RBPMS: variants seen among roughly 807,000 people sequenced by gnomAD.
The protein encoded by RBPMS is RNA binding protein, mRNA processing factor, also known as RNA-binding protein with multiple splicing.
In RBPMS, 7 loss-of-function variants were observed where a neutral mutation model predicts 26.8. The ratio of observed to expected loss-of-function variants is 0.26; its 90% CI spans 0.15 to 0.49. The LOEUF is 0.49. Among genes scored for constraint, RBPMS ranks in the 20% least tolerant of loss-of-function variants. The probability of loss-of-function intolerance (pLI) is 0.98; values close to 1 mark genes in which losing one functional copy is unlikely to be tolerated. For missense variants in RBPMS, 186 were observed against 250.0 expected (o/e 0.74, Z 1.73); for synonymous variants, 96 against 93.3 (o/e 1.03, Z -0.17).
chr8:30,456,925 A>G (rs927328075), intron 1 of RBPMS, among the ~76,000 whole-genome samples: 4 of 152,238 alleles, frequency 2.6e-5, no homozygotes, highest in African/African-American at 9.6e-5. Context: ...CATCTCACAC[A>G]CACAAAGAAA....
At chr8:30,395,114 C>CT (rs1264074247) in intron 1 of RBPMS, among the ~76,000 whole-genome samples, 1 of 2,164 alleles carries the variant, frequency 4.6e-4, no homozygotes, top group African/African-American at 3.4e-3. Context: ...CACAAATTTT[C>CT]TTTTCAATCT....
intron 5 of RBPMS, among the ~76,000 whole-genome samples, chr8:30,531,352 T>TC (rs34237487): frequency 0.51 from 78,229 of 151,912 alleles, 20,267 homozygotes; most frequent in South Asian, 0.64. Flanking sequence ...CAACCAGCCT[T>TC]CTGCTGACCC....
chr8:30,549,646 C>A, intron 6 of RBPMS: 1 of 1,298,338 alleles, frequency 7.7e-7, no homozygotes, highest in South Asian at 1.2e-5. Context: ...ACGGGGAGGC[C>A]AGGCCTCATG....
intron 4 of RBPMS, among the ~76,000 whole-genome samples, chr8:30,493,475 T>G (rs1276073293): frequency 6.6e-6 from 1 of 152,120 alleles, no homozygotes; most frequent in Non-Finnish European, 1.5e-5. Flanking sequence ...TTAAGGATTC[T>G]AAGGGATGTT....
intron 5 of RBPMS, among the ~76,000 whole-genome samples, chr8:30,528,954 G>A (rs1823901891): frequency 1.3e-5 from 2 of 151,964 alleles, no homozygotes; most frequent in Non-Finnish European, 2.9e-5. Flanking sequence ...AGTGGCTCAT[G>A]CCTGTAATCC....
At chr8:30,416,767 C>A (rs549983928) in intron 1 of RBPMS, among the ~76,000 whole-genome samples, 1 of 151,264 alleles carries the variant, frequency 6.6e-6, no homozygotes, top group African/African-American at 2.4e-5. Flanking sequence ...GCCACTGCAC[C>A]CTGCCTTTTT....
At chr8:30,432,055 G>T (rs577904647) in intron 1 of RBPMS, among the ~76,000 whole-genome samples, 1 of 152,196 alleles carries the variant, frequency 6.6e-6, no homozygotes, top group Admixed American at 6.5e-5. Flanking sequence ...TTGAGCCCGA[G>T]ATCAAGGCTG....
intron 1 of RBPMS, among the ~76,000 whole-genome samples, chr8:30,449,743 C>G (rs565397710): frequency 6.6e-6 from 1 of 152,314 alleles, no homozygotes; most frequent in South Asian, 2.1e-4. Context: ...AACTTGGCCT[C>G]AGGGTGATTC....
chr8:30,562,607 T>A (rs190582329), intron 7 of RBPMS, among the ~76,000 whole-genome samples: 2 of 152,300 alleles, frequency 1.3e-5, no homozygotes, highest in Admixed American at 1.3e-4. Context: ...CTGTGTAATC[T>A]TAGGCAAATG....
intron 4 of RBPMS, among the ~76,000 whole-genome samples, chr8:30,494,261 T>G (rs957561968): frequency 1.4e-4 from 22 of 152,208 alleles, no homozygotes; most frequent in Non-Finnish European, 2.6e-4. Context: ...ATTGGGGCAG[T>G]CTCAGAGCAG....
chr8:30,434,079 T>G (rs926757856), intron 1 of RBPMS, among the ~76,000 whole-genome samples: 2 of 151,316 alleles, frequency 1.3e-5, no homozygotes, highest in Admixed American at 6.6e-5. Context: ...TTTACACCAC[T>G]GCACTCCAGC....
chr8:30,467,181 G>A (rs1433919875), intron 1 of RBPMS, among the ~76,000 whole-genome samples: 2 of 152,208 alleles, frequency 1.3e-5, no homozygotes, highest in African/African-American at 4.8e-5. Context: ...TTTCATGGTG[G>A]CAAGGCCTGA....
intron 8 of RBPMS, among the ~76,000 whole-genome samples, chr8:30,570,330 G>A (rs60450778): frequency 1.3e-5 from 2 of 152,236 alleles, no homozygotes; most frequent in Admixed American, 6.5e-5. Flanking sequence ...CTTCTCAAAC[G>A]TGTGTGACAT....
intron 6 of RBPMS, chr8:30,558,566 C>G (rs533953683): frequency 2.2e-6 from 1 of 456,632 alleles, no homozygotes; most frequent in Admixed American, 3.4e-5. Flanking sequence ...AAAAGGAATT[C>G]GCTGTGCCGG....
At chr8:30,529,268 T>C (rs1387333480) in intron 5 of RBPMS, among the ~76,000 whole-genome samples, 1 of 152,172 alleles carries the variant, frequency 6.6e-6, no homozygotes, top group Non-Finnish European at 1.5e-5. Flanking sequence ...CCTGCCATTT[T>C]TTTTAGTGTA....
At chr8:30,423,880 C>A (rs1002080979) in intron 1 of RBPMS, among the ~76,000 whole-genome samples, 13 of 151,948 alleles carry the variant, frequency 8.6e-5, no homozygotes, top group South Asian at 4.2e-4. Context: ...CTCTGCCACC[C>A]AGGCTGGAGT....
intron 6 of RBPMS, chr8:30,547,497 A>G (rs1363018496): frequency 1.9e-6 from 3 of 1,544,024 alleles, no homozygotes; most frequent in Non-Finnish European, 2.6e-6. Flanking sequence ...TTCAATAAAA[A>G]TTTTAATCAG....
intron 1 of RBPMS, among the ~76,000 whole-genome samples, chr8:30,412,863 A>G (rs918590077): frequency 3.3e-5 from 5 of 152,214 alleles, no homozygotes; most frequent in Admixed American, 3.3e-4. Flanking sequence ...TACATATTCA[A>G]AAGCTACTTT....
chr8:30,553,162 G>GCGTT (rs963421470), intron 6 of RBPMS: 2 of 152,276 alleles, frequency 1.3e-5, no homozygotes, highest in African/African-American at 4.8e-5. Flanking sequence ...AATGCTGATG[G>GCGTT]CGTTTTCATG....
Sources: allele counts gnomAD v4.1 joint callset (sites outside exome capture counted in the v4.1 genomes callset), GRCh38; gene constraint gnomAD v4.1.1; transcripts MANE v1.5; gene names NCBI Gene and HGNC (gene_info 2026-07-23, HGNC 2026-07-21).